TMTC1: variants seen among roughly 807,000 people sequenced by gnomAD.
The protein encoded by TMTC1 is transmembrane O-mannosyltransferase targeting cadherins 1.
A neutral mutation model predicts 104.8 loss-of-function variants in TMTC1; 73 were observed. The observed-to-expected ratio is 0.70, with a 90% confidence interval of 0.58 to 0.85. The LOEUF (loss-of-function observed/expected upper bound fraction) is 0.85, where lower values mean the gene tolerates loss of function less well. Ranked by LOEUF, TMTC1 falls within the 40% of genes least tolerant of loss-of-function variation. The pLI, the probability that TMTC1 is intolerant of heterozygous loss-of-function variation, is 0.00. For missense variants in TMTC1, 1,035 were observed against 1,096.1 expected (o/e 0.94, Z 0.79); for synonymous variants, 434 against 428.7 (o/e 1.01, Z -0.15).
At chr12:29,652,378 A>G (rs1359379415) in intron 5 of TMTC1, among the ~76,000 whole-genome samples, 1 of 152,226 alleles carries the variant, frequency 6.6e-6, no homozygotes, top group African/African-American at 2.4e-5. Flanking sequence ...CAAGCCTATC[A>G]CTGCACTGTG....
At chr12:29,751,589 TC>T (rs1943090763) in intron 5 of TMTC1, 76 bp downstream of exon 5, 20 of 1,510,502 alleles carry the variant, frequency 1.3e-5, no homozygotes, top group Middle Eastern at 1.7e-4. Flanking sequence ...GTGCTTCACT[TC>T]CCCAGGCATC....
intron 17 of TMTC1, among the ~76,000 whole-genome samples, chr12:29,511,362 T>C (rs1463069805): frequency 6.6e-6 from 1 of 152,156 alleles, no homozygotes; most frequent in African/African-American, 2.4e-5. Context: ...TCTTGGTTCA[T>C]TACTGTATTC....
intron 11 of TMTC1, 81 bp downstream of exon 11, chr12:29,536,128 T>G (rs779899554): frequency 4.2e-6 from 4 of 941,220 alleles, no homozygotes; most frequent in Non-Finnish European, 6.8e-6. Flanking sequence ...ACAAATTAAA[T>G]CATTAGTACA....
At chr12:29,647,609 GA>G (rs1379017037) in intron 5 of TMTC1, among the ~76,000 whole-genome samples, 2 of 152,148 alleles carry the variant, frequency 1.3e-5, no homozygotes, top group African/African-American at 4.8e-5. Context: ...AGCTTCTTTA[GA>G]ACGTGGAAGA....
intron 2 of TMTC1, among the ~76,000 whole-genome samples, chr12:29,765,033 CA>C (rs1370765177): frequency 6.6e-6 from 1 of 152,096 alleles, no homozygotes; most frequent in Admixed American, 6.6e-5. Flanking sequence ...TCCAATTGTA[CA>C]AGAAGAATTA....
chr12:29,675,568 T>C (rs1000422178), intron 5 of TMTC1, among the ~76,000 whole-genome samples: 8 of 149,160 alleles, frequency 5.4e-5, no homozygotes, highest in Non-Finnish European at 1.2e-4. Flanking sequence ...GGTTTCTCTG[T>C]GCCCTGGACA....
At chr12:29,625,956 T>G (rs1937967383) in intron 6 of TMTC1, among the ~76,000 whole-genome samples, 1 of 152,198 alleles carries the variant, frequency 6.6e-6, no homozygotes, top group Admixed American at 6.5e-5. Context: ...AACCTCATAT[T>G]CACCCCTAAA....
At chr12:29,548,599 C>T (rs1945003949) in intron 10 of TMTC1, among the ~76,000 whole-genome samples, 1 of 151,968 alleles carries the variant, frequency 6.6e-6, no homozygotes, top group South Asian at 2.1e-4. Flanking sequence ...TCCTGCTTCA[C>T]CTTGCACCAT....
At chr12:29,594,644 A>G (rs915588666) in intron 7 of TMTC1, among the ~76,000 whole-genome samples, 50 of 152,352 alleles carry the variant, frequency 3.3e-4, no homozygotes, top group African/African-American at 1.2e-3. Flanking sequence ...ATTCACCAAT[A>G]ACAACAAAGG....
chr12:29,738,598 A>C (rs1032538265), intron 5 of TMTC1, among the ~76,000 whole-genome samples: 1 of 152,236 alleles, frequency 6.6e-6, no homozygotes, highest in Non-Finnish European at 1.5e-5. Context: ...AAAAGCAATT[A>C]TCTGCTCTAG....
chr12:29,764,007 C>G (rs1943409032), intron 2 of TMTC1, among the ~76,000 whole-genome samples: 2 of 152,140 alleles, frequency 1.3e-5, no homozygotes, highest in African/African-American at 4.8e-5. Flanking sequence ...TTGTAGGATG[C>G]TGGAAAGTAC....
chr12:29,617,976 A>G, intron 6 of TMTC1, among the ~76,000 whole-genome samples: 1 of 152,218 alleles, frequency 6.6e-6, no homozygotes, highest in East Asian at 1.9e-4. Context: ...GTTGAGGAAT[A>G]GACTGGACCT....
At chr12:29,574,826 T>C (rs1945777968) in intron 8 of TMTC1, among the ~76,000 whole-genome samples, 1 of 152,194 alleles carries the variant, frequency 6.6e-6, no homozygotes, top group Non-Finnish European at 1.5e-5. Context: ...ACAGCTTCAA[T>C]ATATGAATTT....
At chr12:29,709,441 A>G (rs1941839115) in intron 5 of TMTC1, among the ~76,000 whole-genome samples, 1 of 152,224 alleles carries the variant, frequency 6.6e-6, no homozygotes, top group African/African-American at 2.4e-5. Context: ...AAAACAATAC[A>G]TTGGGTAAGA....
chr12:29,783,423 GC>G lies in TMTC1; in HGVS notation c.302+26del. On this transcript the variant is annotated intron_variant, in intron 1 of 17. Transcript: ENST00000539277. The surrounding 1 kb of genome is among the most constrained non-coding windows in gnomAD (Gnocchi z 4.7). ...CGGGCGGAGGGTAGAGGAGGCAGCG[GC>G]GGCTAGCGCGAGGTGAGGGACTCAC... 1.6e-6 allele frequency: 2 copies of G among 1,286,808 alleles called. No homozygotes were observed. Among genetic ancestry groups the G allele is most frequent in the South Asian group, 4.8e-5 (2 of 41,672 alleles). The allele number at this position is 1,286,808 out of a possible 1,614,324, so 79.7% of individuals were successfully genotyped here. A position where few individuals can be genotyped will look rare whatever the true frequency, so the allele number is the denominator to read the frequency against.
At position 29,783,740 on chromosome 12, in the gene TMTC1, G is replaced by A. The variant is rs1943894777; in HGVS notation, c.12C>T (p.Thr4=). ...CCCCGCCGCCGCCTCGGGCAGAGGT[G>A]GTCACCACCATCGCGCCGCCGCCGC... MVV[T]TSARGGGGDR... Residue 4 remains threonine, a synonymous_variant, in exon 1 of 18, where the codon ACC becomes ACT. Transcript: ENST00000539277. This position sits in a 1 kb window ranked among gnomAD's most constrained non-coding sequence, Gnocchi z 4.7. 5.1e-6 allele frequency: 6 copies of A among 1,185,786 alleles called. No homozygotes were observed. The Admixed American group carries it at 1.8e-4, about 37-fold the overall frequency. The allele number at this position is 1,185,786 out of a possible 1,614,324, so 73.5% of individuals were successfully genotyped here. A position where few individuals can be genotyped will look rare whatever the true frequency, so the allele number is the denominator to read the frequency against.
Position 29,647,116 on chromosome 12 carries a change from G to A in TMTC1, c.939-13780C>T, listed in dbSNP as rs139477738. 5.4e-3 allele frequency among the ~76,000 whole-genome samples: 829 copies of A among 152,244 alleles called. 7 individuals carry two copies. Among genetic ancestry groups the A allele is most frequent in the African/African-American group, 0.019 (774 of 41,546 alleles). On this transcript the variant is annotated intron_variant, in intron 5 of 17. Transcript: ENST00000539277. The stretch of plus-strand genomic sequence containing the variant: ...CGGCTCACTGCAACATCTGCCTCCC[G>A]GGTTCAAGCAATTCTGCCTCAGCCT...
chr12:29,706,619 G>A lies in TMTC1; in HGVS notation c.938+45047C>T, dbSNP rs938851279. Among the ~76,000 whole-genome samples, 4 of 152,130 alleles carry A rather than the reference G, an allele frequency of 2.6e-5. No individual in the cohort carries two copies. In the East Asian group the frequency reaches 7.7e-4, roughly 29 times the overall value. On this transcript the variant is annotated intron_variant, in intron 5 of 17. Transcript: ENST00000539277. ...TGGAACTATTTTAACAGGGTTTGGT[G>A]CAGATGCTTTCATCTGGAAACACAG...
rs1179866469 is a variant in TMTC1, at chr12:29,501,148, T to C, written c.*5698A>G. 6.6e-6 allele frequency: 1 copy of C among 152,266 alleles called. No homozygotes were observed. The highest frequency in any genetic ancestry group is 1.5e-5 in the Non-Finnish European group (1 of 68,030). The allele number at this position is 152,266 out of a possible 1,614,324, so 9.4% of individuals were successfully genotyped here. The stretch of plus-strand genomic sequence containing the variant: ...CAAGCCATGGCTTCTACAGATATTT[T>C]AATTCCTTGGGAGGAAGTTTCACCT... On this transcript the variant is annotated 3_prime_UTR_variant, in exon 18 of 18. Transcript: ENST00000539277.
Sources: gnomAD v4.1 joint callset for allele counts (sites outside exome capture counted in the v4.1 genomes callset) on GRCh38, gnomAD v4.1.1 for gene constraint, Gnocchi (gnomAD v3.1) non-coding constraint, MANE v1.5 for transcripts, NCBI Gene and HGNC (gene_info 2026-07-23, HGNC 2026-07-21) for gene names.